Variants in KIF6 observed in about 807,000 individuals in gnomAD.
The protein encoded by KIF6 is kinesin-like protein KIF6.
KIF6 carries 106 observed loss-of-function variants against 112.7 expected under a neutral mutation model. The ratio of observed to expected loss-of-function variants is 0.94; its 90% confidence interval spans 0.80 to 1.11. The LOEUF is 1.11. Among genes scored for constraint, KIF6 ranks in the 50% least tolerant of loss-of-function variants. The pLI, the probability that KIF6 is intolerant of heterozygous loss-of-function variation, is 0.00. For synonymous variants in KIF6, 339 were observed against 339.9 expected, an observed-to-expected ratio of 1.00 and a Z score of 0.03; for missense variants, 929 against 964.0, an observed-to-expected ratio of 0.96 and a Z score of 0.48.
At chr6:39,551,619 A>T (rs1309979357) in intron 10 of KIF6, among the ~76,000 whole-genome samples, 1 of 152,178 alleles carries the variant, frequency 6.6e-6, no homozygotes, top group Non-Finnish European at 1.5e-5. Flanking sequence ...AATATGTACA[A>T]CTAATATATA....
At chr6:39,703,257 T>C (rs1180270688) in intron 3 of KIF6, among the ~76,000 whole-genome samples, 3 of 152,002 alleles carry the variant, frequency 2.0e-5, no homozygotes, top group Non-Finnish European at 4.4e-5. Context: ...GCAAGGATGA[T>C]TTCAATGAAA....
chr6:39,471,103 AG>A (rs1774092861), intron 13 of KIF6, among the ~76,000 whole-genome samples: 1 of 152,240 alleles, frequency 6.6e-6, no homozygotes, highest in Non-Finnish European at 1.5e-5. Flanking sequence ...AAATGCCAAA[AG>A]AAATGTGACA....
intron 3 of KIF6, among the ~76,000 whole-genome samples, chr6:39,684,164 G>A (rs1327427899): frequency 2.0e-5 from 3 of 152,178 alleles, no homozygotes; most frequent in Non-Finnish European, 4.4e-5. Flanking sequence ...CTCATGAAGG[G>A]AGACACAGGA....
chr6:39,491,715 A>G (rs542718598), intron 13 of KIF6, among the ~76,000 whole-genome samples: 2 of 152,280 alleles, frequency 1.3e-5, no homozygotes, highest in South Asian at 2.1e-4. Flanking sequence ...TGAGGGGCCT[A>G]TTGGTGAGGC....
chr6:39,634,903 C>T lies in KIF6; in HGVS notation c.455G>A (p.Cys152Tyr). ...TCTTGGATCCAAAAGATCATAACCACATTCATTGTAGATTTCCAAATAGGA... is the reference window on the plus strand; with the variant it reads ...TCTTGGATCCAAAAGATCATAACCATATTCATTGTAGATTTCCAAATAGGA... ...HISYLEIYNE[C>Y]GYDLLDPRHE... Residue 152 changes from cysteine (C) to tyrosine (Y), a missense_variant, in exon 5 of 23, where the codon TGT (cysteine) becomes TAT (tyrosine). By Grantham distance (194) the Cys-to-Tyr change is radical. Around this residue, in one of 2 missense-constraint regions of KIF6, gnomAD observed 688 missense variants for 662.7 expected, o/e 1.04. Transcript: ENST00000287152. The T allele has an allele frequency of 1.2e-6, 2 of 1,612,792 alleles. No homozygotes were observed. The highest frequency in any genetic ancestry group is 1.7e-6 in the Non-Finnish European group (2 of 1,179,084).
At chr6:39,624,016 T>C (rs1394370115) in intron 5 of KIF6, among the ~76,000 whole-genome samples, 1 of 151,930 alleles carries the variant, frequency 6.6e-6, no homozygotes, top group Non-Finnish European at 1.5e-5. Flanking sequence ...CCATTGAGGG[T>C]TATGGGAGCA....
intron 3 of KIF6, among the ~76,000 whole-genome samples, chr6:39,692,499 T>C (rs559515374): frequency 6.6e-6 from 1 of 152,320 alleles, no homozygotes; most frequent in East Asian, 1.9e-4. Flanking sequence ...CTATAATAGA[T>C]ATTCAGAATC....
intron 16 of KIF6, among the ~76,000 whole-genome samples, chr6:39,377,830 C>T (rs2150299159): frequency 6.6e-6 from 1 of 152,164 alleles, no homozygotes. Context: ...AGTGGCAATC[C>T]CAGGGCTCCA....
chr6:39,505,574 A>G (rs1776376596), intron 13 of KIF6, among the ~76,000 whole-genome samples: 1 of 152,230 alleles, frequency 6.6e-6, no homozygotes, highest in Non-Finnish European at 1.5e-5. Context: ...AACCTACAGA[A>G]TGGGAGAGAA....
chr6:39,647,240 GA>G, intron 3 of KIF6, among the ~76,000 whole-genome samples: 1 of 152,210 alleles, frequency 6.6e-6, no homozygotes, highest in Admixed American at 6.5e-5. Flanking sequence ...AAAGAAGGGA[GA>G]AAAAAATGTG....
intron 16 of KIF6, among the ~76,000 whole-genome samples, chr6:39,371,880 G>A (rs933248404): frequency 6.6e-6 from 1 of 152,140 alleles, no homozygotes; most frequent in African/African-American, 2.4e-5. Flanking sequence ...AGTCTGCTTT[G>A]AATATCTACC....
In KIF6 at chr6:39,713,111, C is replaced by T. The variant is rs964846760; in HGVS notation, c.251+1581G>A. Among the ~76,000 whole-genome samples the T allele has an allele frequency of 2.0e-4, 31 of 152,082 alleles. 1 individual carries two copies. The highest frequency in any genetic ancestry group is 7.2e-5 in the African/African-American group (3 of 41,400). On this transcript the variant is annotated intron_variant, in intron 3 of 22. Coordinates refer to ENST00000287152, the MANE Select transcript of KIF6 (RefSeq NM_145027.6). ...TCAAGTTGCTGAGGGAGAAACCATG[C>T]AGATTTCTGAGGGAAGAGAATTCCG...
rs1439474379 is a variant in KIF6 at position 39,579,515 on chromosome 6, A to C, written c.1078-1356T>G. ...TATGCAATGCACCTGTTTTCTCTCA[A>C]TCTCTGTCATGTTTTTCACTTTGCA... On this transcript the variant is annotated intron_variant, in intron 9 of 22. Transcript: ENST00000287152. Among the ~76,000 whole-genome samples the C allele has an allele frequency of 3.3e-5, 5 of 151,962 alleles. No individual in the cohort carries two copies. The East Asian group carries it at 9.7e-4, about 29-fold the overall frequency.
intron 15 of KIF6, among the ~76,000 whole-genome samples, chr6:39,406,403 A>G (rs958804089): frequency 2.0e-5 from 3 of 152,116 alleles, no homozygotes; most frequent in Non-Finnish European, 4.4e-5. Context: ...GATCTTTTCA[A>G]AGAACCAGTT....
chr6:39,485,820 A>G (rs1321422980), intron 13 of KIF6, among the ~76,000 whole-genome samples: 1 of 152,192 alleles, frequency 6.6e-6, no homozygotes, highest in Non-Finnish European at 1.5e-5. Flanking sequence ...GCTTGCACCC[A>G]TAGAGCACTT....
chr6:39,374,603 T>C (rs1766281948), intron 16 of KIF6, among the ~76,000 whole-genome samples: 1 of 152,048 alleles, frequency 6.6e-6, no homozygotes, highest in African/African-American at 2.4e-5. Flanking sequence ...GACAAACAAA[T>C]GGCCAACAGG....
chr6:39,651,962 T>G (rs1024439086), intron 3 of KIF6, among the ~76,000 whole-genome samples: 1 of 152,074 alleles, frequency 6.6e-6, no homozygotes, highest in African/African-American at 2.4e-5. Context: ...CAAACTACCC[T>G]GCAGGCCATA....
At chr6:39,681,617 T>C (rs1356611828) in intron 3 of KIF6, among the ~76,000 whole-genome samples, 1 of 152,158 alleles carries the variant, frequency 6.6e-6, no homozygotes, top group African/African-American at 2.4e-5. Flanking sequence ...CAACATTCCA[T>C]GTAAAATATC....
Position 39,333,624 on chromosome 6 carries a change from T to C in KIF6, c.*2908A>G, listed in dbSNP as rs1015408977. 2.6e-5 allele frequency: 4 copies of C among 152,352 alleles called. No homozygotes were observed. Among genetic ancestry groups the C allele is most frequent in the African/African-American group, 9.6e-5 (4 of 41,582 alleles). The allele number at this position is 152,352 out of a possible 1,614,324, so 9.4% of individuals were successfully genotyped here. ...AGTCAAAGTGGGCCATGACAAAGCT[T>C]TGGATGTGTAATTCTATACTGGTGG... On this transcript the variant is annotated 3_prime_UTR_variant, in exon 23 of 23. Transcript: ENST00000287152.
Sources: allele counts gnomAD v4.1 joint callset (sites outside exome capture counted in the v4.1 genomes callset), GRCh38; gene constraint gnomAD v4.1.1; regional missense constraint gnomAD v4.1.1; transcripts MANE v1.5; gene names NCBI Gene and HGNC (gene_info 2026-07-23, HGNC 2026-07-21).